Variants in TMPRSS15 observed in about 807,000 individuals in gnomAD.
TMPRSS15 encodes transmembrane serine protease 15.
A neutral mutation model predicts 125.3 loss-of-function variants in TMPRSS15; 128 were observed. The ratio of observed to expected loss-of-function variants is 1.02; its 90% CI spans 0.89 to 1.18. The LOEUF (loss-of-function observed/expected upper bound fraction) is 1.18. Ranked by LOEUF, TMPRSS15 falls within the 50% of genes most tolerant of loss-of-function variation. TMPRSS15 has a pLI of 0.00. For missense variants in TMPRSS15, 1,283 were observed against 1,212.7 expected (o/e 1.06, Z -0.86); for synonymous variants, 446 against 423.2 (o/e 1.05, Z -0.66).
intron 21 of TMPRSS15, among the ~76,000 whole-genome samples, chr21:18,286,310 C>G (rs910997618): frequency 4.6e-5 from 7 of 152,272 alleles, no homozygotes; most frequent in Admixed American, 1.3e-4. Context: ...TTAACCAAGT[C>G]ATTATTTTAA....
intron 1 of TMPRSS15, among the ~76,000 whole-genome samples, chr21:18,415,585 C>A (rs529626198): frequency 2.0e-5 from 3 of 151,966 alleles, no homozygotes; most frequent in Non-Finnish European, 4.4e-5. Context: ...CTAGTTTTCC[C>A]AGTTCTACTT....
intron 13 of TMPRSS15, among the ~76,000 whole-genome samples, chr21:18,339,686 ATTGTT>A (rs563283233): frequency 6.8e-5 from 9 of 131,614 alleles, no homozygotes; most frequent in Admixed American, 1.6e-4. Context: ...AGAAAAAAGC[ATTGTT>A]TTTTTTGCAT....
intron 21 of TMPRSS15, 143 bp downstream of exon 21, chr21:18,294,127 G>T: frequency 1.0e-6 from 1 of 987,016 alleles, no homozygotes; most frequent in Non-Finnish European, 1.5e-6. Flanking sequence ...ACATTAATGG[G>T]AAAATAATTG....
At chr21:18,434,826 A>ACTCATCTATTG (rs11273539) in intron 1 of TMPRSS15, among the ~76,000 whole-genome samples, 84,075 of 151,356 alleles carry the variant, frequency 0.56, 23,688 homozygotes, top group African/African-American at 0.6. Context: ...ACATTTAAAA[A>ACTCATCTATTG]CTCATAAATT....
At chr21:18,373,702 A>G (rs554241649) in intron 5 of TMPRSS15, among the ~76,000 whole-genome samples, 24 of 152,336 alleles carry the variant, frequency 1.6e-4, no homozygotes, top group African/African-American at 5.5e-4. Flanking sequence ...CTAGGAACAT[A>G]TATCACTTTG....
chr21:18,399,847 A>T (rs2076078721), intron 1 of TMPRSS15, among the ~76,000 whole-genome samples: 1 of 152,142 alleles, frequency 6.6e-6, no homozygotes, highest in Non-Finnish European at 1.5e-5. Flanking sequence ...ACTCTGCAAA[A>T]AGGCTCCTGA....
intron 18 of TMPRSS15, among the ~76,000 whole-genome samples, chr21:18,308,894 C>T (rs1177428892): frequency 6.6e-6 from 1 of 152,162 alleles, no homozygotes; most frequent in Non-Finnish European, 1.5e-5. Flanking sequence ...TTTCCAGCTT[C>T]ATCCATGTGC....
chr21:18,321,427 A>G (rs1176012015), intron 16 of TMPRSS15, among the ~76,000 whole-genome samples: 1 of 129,958 alleles, frequency 7.7e-6, no homozygotes, highest in Non-Finnish European at 1.5e-5. Context: ...ATCTCGGCTC[A>G]CCGCAAGCTC....
At chr21:18,314,134 T>C (rs1215270692) in intron 17 of TMPRSS15, among the ~76,000 whole-genome samples, 3 of 151,980 alleles carry the variant, frequency 2.0e-5, no homozygotes, top group Non-Finnish European at 4.4e-5. Flanking sequence ...TTTTTTTTCC[T>C]ATTATGACAA....
At chr21:18,440,812 T>C (rs1304470596) in intron 1 of TMPRSS15, among the ~76,000 whole-genome samples, 1 of 152,196 alleles carries the variant, frequency 6.6e-6, no homozygotes, top group African/African-American at 2.4e-5. Context: ...TATAACATTC[T>C]TTAAAGGTCT....
intron 1 of TMPRSS15, among the ~76,000 whole-genome samples, chr21:18,436,437 T>C (rs1391187612): frequency 6.6e-6 from 1 of 152,008 alleles, no homozygotes; most frequent in African/African-American, 2.4e-5. Flanking sequence ...TGTAGTTGAG[T>C]GGTTTTGAGT....
At position 18,285,203 on chromosome 21, in the gene TMPRSS15, A is replaced by AGAT. The variant is rs1250999230; in HGVS notation, c.2487-3985_2487-3983dup. ...AAAGATGCTTTTTTCCCATTTCCTGAGATGCAGAAGCAGCACCAGATAAGA... is the reference window on the plus strand; with the variant it reads ...AAAGATGCTTTTTTCCCATTTCCTGAGATGATGCAGAAGCAGCACCAGATAAGA... On this transcript the variant is annotated intron_variant, in intron 21 of 24. Transcript: ENST00000284885. 2.0e-5 allele frequency among the ~76,000 whole-genome samples: 3 copies of AGAT among 152,186 alleles called. No homozygotes were observed. In the East Asian group the frequency reaches 5.8e-4, roughly 29 times the overall value.
intron 4 of TMPRSS15, among the ~76,000 whole-genome samples, chr21:18,381,389 T>C (rs2075891347): frequency 6.6e-6 from 1 of 152,144 alleles, no homozygotes; most frequent in African/African-American, 2.4e-5. Context: ...TGTTTGACAG[T>C]GTATTATACA....
At chr21:18,404,495 T>C (rs1295616339), upstream of TMPRSS15, among the ~76,000 whole-genome samples, 2 of 152,180 alleles carry the variant, frequency 1.3e-5, no homozygotes, top group African/African-American at 4.8e-5. Context: ...ATAGTTATAG[T>C]TGTAGATATA....
rs1181497612 is a variant in TMPRSS15 at position 18,365,564 on chromosome 21, TTCTC to T, written c.665-320_665-317del. ...TCTTTCCTTCCTTTTCTCTCTTTCT[TTCTC>T]TCTCTTTCTCTCTTTTTCCTTCCTT... is the stretch of plus-strand genomic sequence containing the variant. On this transcript the variant is annotated intron_variant, in intron 6 of 24. Coordinates refer to ENST00000284885, the MANE Select transcript of TMPRSS15 (RefSeq NM_002772.3). Among the ~76,000 whole-genome samples the T allele has an allele frequency of 1.6e-4, 17 of 106,818 alleles. No homozygotes were observed. The East Asian group carries it at 3.1e-3, about 19-fold the overall frequency. The allele number at this position is 106,818 out of a possible 152,430, so 70.1% of individuals were successfully genotyped here. A position where few individuals can be genotyped will look rare whatever the true frequency, so the allele number is the denominator to read the frequency against.
chr21:18,386,087 A>G (rs2075941612), intron 3 of TMPRSS15, among the ~76,000 whole-genome samples: 1 of 152,138 alleles, frequency 6.6e-6, no homozygotes, highest in Admixed American at 6.5e-5. Flanking sequence ...GCATTCTGTT[A>G]ATGGGAATTT....
chr21:18,393,204 T>A (rs982884111), intron 3 of TMPRSS15, among the ~76,000 whole-genome samples: 1 of 152,070 alleles, frequency 6.6e-6, no homozygotes. Flanking sequence ...AAAAAGTCTT[T>A]AGGTATTTAA....
intron 1 of TMPRSS15, among the ~76,000 whole-genome samples, chr21:18,440,935 C>T (rs2076240036): frequency 6.6e-6 from 1 of 152,116 alleles, no homozygotes; most frequent in East Asian, 1.9e-4. Flanking sequence ...CTACTAACAG[C>T]AATTGTTTAG....
At chr21:18,302,620 C>T (rs1330332129) in intron 18 of TMPRSS15, among the ~76,000 whole-genome samples, 2 of 152,192 alleles carry the variant, frequency 1.3e-5, no homozygotes, top group African/African-American at 4.8e-5. Context: ...AAACAATTAT[C>T]TTAACCTAAT....
Sources: allele counts gnomAD v4.1 joint callset (sites outside exome capture counted in the v4.1 genomes callset), GRCh38; gene constraint gnomAD v4.1.1; transcripts MANE v1.5; gene names NCBI Gene and HGNC (gene_info 2026-07-23, HGNC 2026-07-21).